The following SLC24A3 variants were observed in gnomAD, a reference collection of about 807,000 sequenced individuals.
The protein encoded by SLC24A3 is solute carrier family 24 member 3.
In SLC24A3, 28 loss-of-function variants were observed where a neutral mutation model predicts 75.8. That is an observed-to-expected ratio of 0.37 (90% CI 0.27 to 0.51). SLC24A3 has a LOEUF of 0.51. Among genes scored for constraint, SLC24A3 ranks in the 20% least tolerant of loss-of-function variants. The pLI is 0.94. For synonymous variants in SLC24A3, 372 were observed against 334.1 expected (o/e 1.11, Z -1.24); for missense variants, 663 against 847.8 (o/e 0.78, Z 2.71).
At chr20:19,452,425 T>TGTGTGTGTGTGTG (rs56271347) in intron 2 of SLC24A3, among the ~76,000 whole-genome samples, 42 of 115,516 alleles carry the variant, frequency 3.6e-4, no homozygotes, top group East Asian at 2.3e-3. Context: ...TGTGTGTGTG[T>TGTGTGTGTGTGTG]TGGGGAAGTA....
At chr20:19,702,168 C>T (rs2032882239) in intron 15 of SLC24A3, among the ~76,000 whole-genome samples, 1 of 152,202 alleles carries the variant, frequency 6.6e-6, no homozygotes, top group South Asian at 2.1e-4. Context: ...ATGATCTCTC[C>T]TCCTTTCCTC....
intron 6 of SLC24A3, among the ~76,000 whole-genome samples, chr20:19,640,578 C>G (rs1281605441): frequency 6.6e-6 from 1 of 152,044 alleles, no homozygotes. Flanking sequence ...GGTGGAACCC[C>G]TTTTCTACTG....
At chr20:19,520,322 G>C (rs531707809) in intron 3 of SLC24A3, among the ~76,000 whole-genome samples, 42 of 152,274 alleles carry the variant, frequency 2.8e-4, no homozygotes, top group Non-Finnish European at 2.9e-5. Context: ...CAGGCAGAGG[G>C]GACTTTTCCC....
At chr20:19,658,702 G>T (rs961864950) in intron 7 of SLC24A3, among the ~76,000 whole-genome samples, 2 of 151,988 alleles carry the variant, frequency 1.3e-5, no homozygotes, top group Admixed American at 1.3e-4. Context: ...CGTTGAGAAG[G>T]CTCCCCCAAT....
intron 3 of SLC24A3, among the ~76,000 whole-genome samples, chr20:19,560,544 A>G (rs1200837919): frequency 1.3e-5 from 2 of 152,212 alleles, no homozygotes; most frequent in African/African-American, 2.4e-5. Flanking sequence ...AAGTGGGCAG[A>G]AGGGTACATC....
At chr20:19,709,410 A>G (rs976323714) in intron 15 of SLC24A3, among the ~76,000 whole-genome samples, 2 of 152,084 alleles carry the variant, frequency 1.3e-5, no homozygotes, top group African/African-American at 4.8e-5. Flanking sequence ...AAGTTCATTC[A>G]GGACTCTTAC....
At chr20:19,697,834 AG>A (rs1457821977) in intron 14 of SLC24A3, among the ~76,000 whole-genome samples, 1 of 152,208 alleles carries the variant, frequency 6.6e-6, no homozygotes, top group Non-Finnish European at 1.5e-5. Context: ...GTCACTTTCT[AG>A]AATGGTTGAG....
chr20:19,589,495 G>T (rs2031343253), intron 6 of SLC24A3, among the ~76,000 whole-genome samples: 1 of 152,188 alleles, frequency 6.6e-6, no homozygotes. Context: ...GCAGTGGAAA[G>T]GGCCTGAAAT....
intron 3 of SLC24A3, among the ~76,000 whole-genome samples, chr20:19,537,248 T>G (rs982270891): frequency 5.9e-5 from 9 of 152,190 alleles, no homozygotes; most frequent in Non-Finnish European, 1.2e-4. Context: ...AAAGAAGATA[T>G]TTATGCAGCC....
intron 1 of SLC24A3, among the ~76,000 whole-genome samples, chr20:19,251,650 A>G (rs1027970827): frequency 5.5e-4 from 84 of 152,294 alleles, no homozygotes; most frequent in African/African-American, 1.9e-3. Context: ...AAGCCAGGGT[A>G]TTGATCCACC....
At chr20:19,329,235 T>C (rs1984939201) in intron 2 of SLC24A3, among the ~76,000 whole-genome samples, 1 of 152,174 alleles carries the variant, frequency 6.6e-6, no homozygotes, top group Non-Finnish European at 1.5e-5. Flanking sequence ...AAGATTTTTT[T>C]TTTACTGGTT....
rs149008507 is a variant in SLC24A3, at chr20:19,540,593, C to T, written c.348+25029C>T. 5.9e-3 allele frequency among the ~76,000 whole-genome samples: 901 copies of T among 152,324 alleles called. 6 individuals are homozygous for T. Among genetic ancestry groups the T allele is most frequent in the Middle Eastern group, 0.027 (8 of 294 alleles). Reference sequence around the variant, plus strand: ...AACAGTGTGTGAGGGACAGAGCCAGCGCCACGGTGAGGAGTAAACATCACA... The same window carrying T: ...AACAGTGTGTGAGGGACAGAGCCAGTGCCACGGTGAGGAGTAAACATCACA... On this transcript the variant is annotated intron_variant, in intron 3 of 16. Coordinates refer to ENST00000328041, the MANE Select transcript of SLC24A3 (RefSeq NM_020689.4).
intron 1 of SLC24A3, among the ~76,000 whole-genome samples, chr20:19,272,373 C>A (rs1021124468): frequency 5.3e-5 from 8 of 152,212 alleles, no homozygotes; most frequent in Admixed American, 5.2e-4. Flanking sequence ...TTTGAAGGCA[C>A]GCAACAATGT....
chr20:19,328,363 G>T (rs1984919087), intron 2 of SLC24A3, among the ~76,000 whole-genome samples: 1 of 152,154 alleles, frequency 6.6e-6, no homozygotes, highest in Non-Finnish European at 1.5e-5. Flanking sequence ...CATTGTTAAA[G>T]GATCAACCAG....
intron 3 of SLC24A3, among the ~76,000 whole-genome samples, chr20:19,574,602 T>A (rs557424755): frequency 7.9e-4 from 121 of 152,352 alleles, no homozygotes; most frequent in African/African-American, 2.7e-3. Flanking sequence ...GTACCCTGCA[T>A]GTCTCTTTTC....
chr20:19,325,840 G>GAGA (rs1568589959), intron 2 of SLC24A3, among the ~76,000 whole-genome samples: 508 of 42,814 alleles, frequency 0.012, 30 homozygotes, highest in Middle Eastern at 0.016. Flanking sequence ...AGAGAGAGAG[G>GAGA]GAGACATCTG....
At chr20:19,262,581 G>A (rs140096932) in intron 1 of SLC24A3, among the ~76,000 whole-genome samples, 324 of 152,106 alleles carry the variant, frequency 2.1e-3, no homozygotes, top group Middle Eastern at 6.8e-3. Flanking sequence ...GATGCCATAT[G>A]CTGATTCCCC....
At chr20:19,467,837 C>A (rs1226478369) in intron 2 of SLC24A3, among the ~76,000 whole-genome samples, 1 of 150,304 alleles carries the variant, frequency 6.7e-6, no homozygotes, top group Non-Finnish European at 1.5e-5. Context: ...GCTGAGATCA[C>A]ACCACTGCAC....
At chr20:19,405,294 G>A (rs1986622866) in intron 2 of SLC24A3, among the ~76,000 whole-genome samples, 1 of 152,194 alleles carries the variant, frequency 6.6e-6, no homozygotes, top group Non-Finnish European at 1.5e-5. Flanking sequence ...GGATTCTCAT[G>A]TTGGTGCTTC....
Sources: gnomAD v4.1 joint callset for allele counts (sites outside exome capture counted in the v4.1 genomes callset) on GRCh38, gnomAD v4.1.1 for gene constraint, MANE v1.5 for transcripts, NCBI Gene and HGNC (gene_info 2026-07-23, HGNC 2026-07-21) for gene names.